ARMC8: variants seen among roughly 807,000 people sequenced by gnomAD.
The protein encoded by ARMC8 is armadillo repeat containing 8, also known as armadillo repeat-containing protein 8.
In ARMC8, 20 loss-of-function variants were observed where a neutral mutation model predicts 99.3. The observed-to-expected ratio is 0.20, with a 90% CI of 0.14 to 0.29. The LOEUF (loss-of-function observed/expected upper bound fraction) is 0.29. Ranked by LOEUF, ARMC8 falls within the 10% of genes least tolerant of loss-of-function variation. The probability of loss-of-function intolerance (pLI) is 1.00; values close to 1 mark genes in which losing one functional copy is unlikely to be tolerated. For synonymous variants in ARMC8, 263 were observed against 278.3 expected, an observed-to-expected ratio of 0.95 and a Z score of 0.55; for missense variants, 569 against 809.5, an observed-to-expected ratio of 0.70 and a Z score of 3.60.
chr3:138,283,523 A>C (rs527618912), intron 18 of ARMC8, among the ~76,000 whole-genome samples: 7 of 152,296 alleles, frequency 4.6e-5, no homozygotes, highest in African/African-American at 1.7e-4. Context: ...ACAGCTTCAA[A>C]GTCAGGGAGT....
At chr3:138,221,905 T>C (rs1444463782) in intron 2 of ARMC8, 21 bp from the exon 3 acceptor site, 4 of 1,591,822 alleles carry the variant, frequency 2.5e-6, no homozygotes, top group Non-Finnish European at 3.4e-6. Context: ...CATACTTTAT[T>C]TTTTCTTCCC....
At chr3:138,285,907 C>T (rs777489601) in intron 19 of ARMC8, among the ~76,000 whole-genome samples, 2 of 152,154 alleles carry the variant, frequency 1.3e-5, no homozygotes, top group Admixed American at 6.5e-5. Context: ...TCATACCCAT[C>T]GAGACATACC....
intron 18 of ARMC8, among the ~76,000 whole-genome samples, chr3:138,275,288 T>G (rs1197211378): frequency 6.6e-6 from 1 of 152,174 alleles, no homozygotes; most frequent in Non-Finnish European, 1.5e-5. Flanking sequence ...ACGGGTACAG[T>G]GGCTCATGCC....
chr3:138,263,975 C>A (rs1266859778), intron 13 of ARMC8, 154 bp downstream of exon 13: 2 of 946,120 alleles, frequency 2.1e-6, no homozygotes, highest in Non-Finnish European at 1.7e-6. Context: ...TAACAGAGAG[C>A]CTGGCCTCCA....
At chr3:138,281,747 C>A (rs547098225) in intron 18 of ARMC8, among the ~76,000 whole-genome samples, 67 of 152,268 alleles carry the variant, frequency 4.4e-4, no homozygotes, top group African/African-American at 1.6e-3. Context: ...GAATTACTCA[C>A]CTGTCTTGCT....
rs548054132 is a variant in ARMC8, at chr3:138,245,683, A to G, written c.1134+500A>G. The G allele has an allele frequency of 7.1e-6, 7 of 992,856 alleles. No homozygotes were observed. The African/African-American group carries it at 1.2e-4, about 17-fold the overall frequency. 61.5% of individuals were successfully genotyped at this position (992,856 alleles called of 1,614,324 possible). On this transcript the variant is annotated intron_variant, in intron 12 of 21. Transcript: ENST00000469044. ...TGAATAAAATCTTTGTGGAATGATGATTTTATGTTTAGTGAGTGGTCATCT... is the reference window on the plus strand; with the variant it reads ...TGAATAAAATCTTTGTGGAATGATGGTTTTATGTTTAGTGAGTGGTCATCT...
At chr3:138,193,234 G>T (rs1328697198) in intron 1 of ARMC8, among the ~76,000 whole-genome samples, 3 of 151,978 alleles carry the variant, frequency 2.0e-5, no homozygotes, top group Non-Finnish European at 4.4e-5. Context: ...CTCCCAAAGT[G>T]CTGGGATTAC....
At chr3:138,261,728 GAT>G (rs1463071913) in intron 12 of ARMC8, 1 of 152,230 alleles carries the variant, frequency 6.6e-6, no homozygotes, top group Non-Finnish European at 1.5e-5. Flanking sequence ...ACAGAGTAAA[GAT>G]GTGAGAACAT....
chr3:138,218,988 T>G (rs1214076318), intron 2 of ARMC8, among the ~76,000 whole-genome samples: 1 of 152,148 alleles, frequency 6.6e-6, no homozygotes, highest in African/African-American at 2.4e-5. Context: ...TCTTTTCCAT[T>G]GGTTCGTTGT....
chr3:138,271,618 CCTTAGAGTCATCT>C (rs1413947150), intron 16 of ARMC8, among the ~76,000 whole-genome samples: 1 of 152,094 alleles, frequency 6.6e-6, no homozygotes, highest in Non-Finnish European at 1.5e-5. Context: ...AAATATAAAA[CCTTAGAGTCATCT>C]CTGACCTGGG....
At chr3:138,256,215 A>G (rs2047392971) in intron 12 of ARMC8, among the ~76,000 whole-genome samples, 1 of 152,094 alleles carries the variant, frequency 6.6e-6, no homozygotes, top group Non-Finnish European at 1.5e-5. Flanking sequence ...TCATTCTAAA[A>G]TGGAGGTCAG....
chr3:138,271,908 G>A (rs1371553072), intron 16 of ARMC8, among the ~76,000 whole-genome samples: 1 of 151,146 alleles, frequency 6.6e-6, no homozygotes, highest in Non-Finnish European at 1.5e-5. Flanking sequence ...TGATTCTTGT[G>A]CCTCAACCTC....
At chr3:138,200,735 C>T (rs1171677944) in intron 1 of ARMC8, among the ~76,000 whole-genome samples, 2 of 152,080 alleles carry the variant, frequency 1.3e-5, no homozygotes, top group African/African-American at 4.8e-5. Flanking sequence ...ACTTCCATCT[C>T]CCCTCCAGTG....
At chr3:138,223,342 T>C (rs2045508651) in intron 3 of ARMC8, 47 bp from the exon 4 acceptor site, 2 of 1,593,048 alleles carry the variant, frequency 1.3e-6, no homozygotes, top group South Asian at 1.1e-5. Flanking sequence ...CATTGAGTCT[T>C]GTTTAAATTT....
intron 20 of ARMC8, among the ~76,000 whole-genome samples, chr3:138,289,462 G>C (rs1185190761): frequency 6.6e-6 from 1 of 152,208 alleles, no homozygotes; most frequent in African/African-American, 2.4e-5. Flanking sequence ...TGAGCCTTTC[G>C]TTTTGAGCAG....
chr3:138,291,668 T>C (rs1307048657), intron 21 of ARMC8, among the ~76,000 whole-genome samples: 4 of 152,182 alleles, frequency 2.6e-5, no homozygotes, highest in African/African-American at 9.7e-5. Context: ...AAATTTATTT[T>C]AGGTTAGCTA....
chr3:138,269,902 A>G (rs577029102), intron 15 of ARMC8, 138 bp from the exon 16 acceptor site: 105 of 444,578 alleles, frequency 2.4e-4, no homozygotes, highest in Non-Finnish European at 3.7e-4. Flanking sequence ...TTATGGCTAC[A>G]TCACTCCCTG....
intron 9 of ARMC8, among the ~76,000 whole-genome samples, chr3:138,237,787 C>T (rs755573866): frequency 6.6e-6 from 1 of 152,140 alleles, no homozygotes; most frequent in Non-Finnish European, 1.5e-5. Flanking sequence ...TCTCGTATAA[C>T]ATCTGAGACT....
intron 1 of ARMC8, among the ~76,000 whole-genome samples, chr3:138,204,705 C>T (rs1333398408): frequency 6.6e-6 from 1 of 152,152 alleles, no homozygotes; most frequent in African/African-American, 2.4e-5. Context: ...GATTAGTCCC[C>T]TTTTGAAATA....
Sources: allele counts gnomAD v4.1 joint callset (sites outside exome capture counted in the v4.1 genomes callset), GRCh38; gene constraint gnomAD v4.1.1; transcripts MANE v1.5; gene names NCBI Gene and HGNC (gene_info 2026-07-23, HGNC 2026-07-21).